Variants in CEP112 observed in about 807,000 individuals in gnomAD.
CEP112 encodes centrosomal protein 112.
CEP112 carries 127 observed loss-of-function variants against 153.0 expected under a neutral mutation model. The ratio of observed to expected loss-of-function variants is 0.83; its 90% confidence interval spans 0.72 to 0.96. The LOEUF (loss-of-function observed/expected upper bound fraction) is 0.96, where lower values mean the gene tolerates loss of function less well. CEP112 is among the 40% of genes least tolerant of loss of function. The pLI is 0.00. For synonymous variants in CEP112, 358 were observed against 374.4 expected (o/e 0.96, Z 0.51); for missense variants, 1,089 against 1,101.2 (o/e 0.99, Z 0.16).
intron 19 of CEP112, among the ~76,000 whole-genome samples, chr17:65,917,832 T>A (rs1409430710): frequency 6.6e-6 from 1 of 151,892 alleles, no homozygotes; most frequent in Non-Finnish European, 1.5e-5. Flanking sequence ...CTTTCCTCCC[T>A]CTCTTCCTTT....
intron 2 of CEP112, among the ~76,000 whole-genome samples, chr17:66,177,386 T>C (rs2072528384): frequency 6.6e-6 from 1 of 152,210 alleles, no homozygotes; most frequent in Admixed American, 6.5e-5. Context: ...TGCAAAGAAA[T>C]ATTTTCTCAA....
At chr17:66,167,416 G>C (rs2072023253) in intron 4 of CEP112, among the ~76,000 whole-genome samples, 1 of 151,190 alleles carries the variant, frequency 6.6e-6, no homozygotes, top group South Asian at 2.1e-4. Context: ...TGGAGATAGT[G>C]GTAGTACTAA....
Position 65,990,483 on chromosome 17 carries a change from G to A in CEP112, c.1736+15207C>T, listed in dbSNP as rs576070652. On this transcript the variant is annotated intron_variant, in intron 17 of 26. Transcript: ENST00000535342. ...GTGCTCTTGGGAGAAGGAGAGCACA[G>A]AGATTGTGAGGCTTTGCATTGAACT... is the stretch of plus-strand genomic sequence containing the variant. Among the ~76,000 whole-genome samples the A allele has an allele frequency of 3.3e-5, 5 of 152,364 alleles. No homozygotes were observed. The East Asian group carries it at 9.7e-4, about 29-fold the overall frequency.
At chr17:66,053,998 A>C in intron 11 of CEP112, 119 bp from the exon 12 acceptor site, 1 of 611,236 alleles carries the variant, frequency 1.6e-6, no homozygotes, top group Admixed American at 3.6e-5. Context: ...CTGAACACCA[A>C]AAGATACAAA....
At chr17:66,095,709 A>G (rs1453724722) in intron 8 of CEP112, among the ~76,000 whole-genome samples, 1 of 152,226 alleles carries the variant, frequency 6.6e-6, no homozygotes, top group Non-Finnish European at 1.5e-5. Flanking sequence ...GGTGATTCAT[A>G]TATCAAGCTC....
intron 20 of CEP112, among the ~76,000 whole-genome samples, chr17:65,862,518 G>A (rs35644729): frequency 0.14 from 21,511 of 152,136 alleles, 1,567 homozygotes; most frequent in African/African-American, 0.16. Context: ...AACCCAGGAG[G>A]CGGAGCTTGC....
At position 65,936,694 on chromosome 17, in the gene CEP112, C is replaced by T. The variant is rs572599824; in HGVS notation, c.1873-9005G>A. ...TGAAGAATAAAAACCACATGATTATCTCAATAGATGCAGAAAAATCACTTG... is the reference window on the plus strand; with the variant it reads ...TGAAGAATAAAAACCACATGATTATTTCAATAGATGCAGAAAAATCACTTG... On this transcript the variant is annotated intron_variant, in intron 18 of 26. Transcript: ENST00000535342. Among the ~76,000 whole-genome samples, 73 of 152,198 alleles carry T rather than the reference C, an allele frequency of 4.8e-4. 1 individual carries two copies. In the East Asian group the frequency reaches 0.014, roughly 28 times the overall value.
intron 21 of CEP112, among the ~76,000 whole-genome samples, chr17:65,832,439 A>G (rs1464505163): frequency 6.6e-6 from 1 of 152,000 alleles, no homozygotes; most frequent in Non-Finnish European, 1.5e-5. Context: ...AAAACTAAAA[A>G]GACAGATAGG....
At chr17:65,995,419 A>C (rs2063749653) in intron 17 of CEP112, among the ~76,000 whole-genome samples, 1 of 152,160 alleles carries the variant, frequency 6.6e-6, no homozygotes, top group South Asian at 2.1e-4. Context: ...AGAAGAGGGT[A>C]CACCTAGATG....
intron 12 of CEP112, among the ~76,000 whole-genome samples, chr17:66,036,880 A>ACTTGAGGT (rs1480514904): frequency 6.6e-6 from 1 of 152,236 alleles, no homozygotes; most frequent in East Asian, 1.9e-4. Flanking sequence ...ACACTGCAAT[A>ACTTGAGGT]CTTGAGGTCT....
At chr17:65,961,076 T>G (rs575796473) in intron 18 of CEP112, among the ~76,000 whole-genome samples, 1 of 151,236 alleles carries the variant, frequency 6.6e-6, no homozygotes, top group African/African-American at 2.4e-5. Flanking sequence ...CAACTGCCAG[T>G]TGAAAATAAT....
At chr17:65,887,090 A>C (rs1178255201) in intron 20 of CEP112, among the ~76,000 whole-genome samples, 1 of 151,872 alleles carries the variant, frequency 6.6e-6, no homozygotes, top group Non-Finnish European at 1.5e-5. Flanking sequence ...AGTGAGTAGT[A>C]GCAAGAAAAA....
chr17:65,728,526 AT>A (rs1164714523), intron 23 of CEP112, among the ~76,000 whole-genome samples: 3 of 152,182 alleles, frequency 2.0e-5, no homozygotes, highest in Non-Finnish European at 4.4e-5. Flanking sequence ...AGTCAATTTC[AT>A]CAAGGACATG....
chr17:66,110,969 G>T (rs981070574), intron 6 of CEP112, among the ~76,000 whole-genome samples: 1 of 152,048 alleles, frequency 6.6e-6, no homozygotes. Context: ...TCTGACTAGG[G>T]TCTAATATCC....
At chr17:65,650,428 T>C (rs546163782) in intron 24 of CEP112, among the ~76,000 whole-genome samples, 125 of 152,290 alleles carry the variant, frequency 8.2e-4, no homozygotes, top group African/African-American at 2.8e-3. Context: ...CCCAGGCTCC[T>C]AGCACTTTCC....
chr17:66,050,797 T>A (rs1352864208), intron 12 of CEP112, among the ~76,000 whole-genome samples: 1 of 152,114 alleles, frequency 6.6e-6, no homozygotes, highest in African/African-American at 2.4e-5. Context: ...CACTGCTGAT[T>A]TAGGGTTATG....
At chr17:66,094,814 T>C (rs1001942524) in intron 8 of CEP112, among the ~76,000 whole-genome samples, 7 of 152,124 alleles carry the variant, frequency 4.6e-5, no homozygotes, top group Admixed American at 2.6e-4. Flanking sequence ...AGAACACTGA[T>C]AACCTGATTT....
rs776397228 is a variant in CEP112, at chr17:66,029,206, C to T, written c.1420G>A (p.Glu474Lys). Residue 474 changes from glutamate (E) to lysine (K), a missense_variant, in exon 14 of 27, where the codon GAG becomes AAG. Physicochemically the swap from Glu to Lys is moderately conservative, Grantham distance 56. Coordinates refer to ENST00000535342, the MANE Select transcript of CEP112 (RefSeq NM_001199165.4). ...GTTTGTAACAGTTTCATGTTTTGCT[C>T]ATAATCATTTACAAGATGGTCCTTC... ...KEKDHLVNDY[E>K]QNMKLLQTKY... is the part of the protein sequence containing the mutation. 6.2e-7 allele frequency: 1 copy of T among 1,611,614 alleles called. No homozygotes were observed. The highest frequency in any genetic ancestry group is 8.5e-7 in the Non-Finnish European group (1 of 1,178,208).
chr17:65,724,848 C>G (rs1251031439), intron 23 of CEP112, among the ~76,000 whole-genome samples: 1 of 152,114 alleles, frequency 6.6e-6, no homozygotes, highest in Non-Finnish European at 1.5e-5. Flanking sequence ...TTCAGTCTAG[C>G]CCCTTTACCC....
Sources: allele counts gnomAD v4.1 joint callset (sites outside exome capture counted in the v4.1 genomes callset), GRCh38; gene constraint gnomAD v4.1.1; transcripts MANE v1.5; gene names NCBI Gene and HGNC (gene_info 2026-07-23, HGNC 2026-07-21).